The following DOCK2 variants were observed in gnomAD, a reference collection of about 807,000 sequenced individuals.
The protein encoded by DOCK2 is dedicator of cytokinesis protein 2.
Under a neutral mutation model 248.9 loss-of-function variants are expected in DOCK2, and 87 were observed. The observed-to-expected ratio is 0.35, with a 90% CI of 0.29 to 0.42. DOCK2 has a LOEUF of 0.42. Ranked by LOEUF, DOCK2 falls within the 10% of genes least tolerant of loss-of-function variation. DOCK2 has a pLI of 1.00. For synonymous variants in DOCK2, 805 were observed against 821.6 expected (o/e 0.98, Z 0.35); for missense variants, 1,747 against 2,300.2 (o/e 0.76, Z 4.92).
At chr5:169,697,474 G>T (rs2112705) in intron 10 of DOCK2, among the ~76,000 whole-genome samples, 18 of 152,066 alleles carry the variant, frequency 1.2e-4, no homozygotes, top group Non-Finnish European at 1.8e-4. Context: ...CATCTCCATA[G>T]TCTTTACTCT....
chr5:169,868,701 T>G (rs1371493169), intron 27 of DOCK2, among the ~76,000 whole-genome samples: 1 of 152,148 alleles, frequency 6.6e-6, no homozygotes, highest in Non-Finnish European at 1.5e-5. Flanking sequence ...GTGGCTGCAA[T>G]TAGCTATGAG....
At chr5:169,823,287 T>C (rs1221331674) in intron 26 of DOCK2, among the ~76,000 whole-genome samples, 1 of 152,216 alleles carries the variant, frequency 6.6e-6, no homozygotes, top group Non-Finnish European at 1.5e-5. Context: ...AGCATCATCC[T>C]GGTACCAAAG....
At chr5:169,686,307 C>T (rs1419399101) in intron 8 of DOCK2, among the ~76,000 whole-genome samples, 3 of 152,194 alleles carry the variant, frequency 2.0e-5, no homozygotes, top group African/African-American at 7.2e-5. Flanking sequence ...CGGCTGGCCC[C>T]ATCTCAGTGA....
intron 25 of DOCK2, among the ~76,000 whole-genome samples, chr5:169,771,769 T>C (rs1028112924): frequency 3.3e-5 from 5 of 152,194 alleles, no homozygotes; most frequent in Non-Finnish European, 7.3e-5. Flanking sequence ...CAAATCAATG[T>C]TTTTTTAGTC....
At chr5:169,770,290 CT>C (rs60938799) in intron 25 of DOCK2, among the ~76,000 whole-genome samples, 14,632 of 101,752 alleles carry the variant, frequency 0.14, 557 homozygotes, top group Admixed American at 0.23. Flanking sequence ...ATTCTTGAGT[CT>C]TTTTTTTTTT....
intron 25 of DOCK2, among the ~76,000 whole-genome samples, chr5:169,792,451 A>AGGTGTGTGTG (rs1766398847): frequency 6.7e-6 from 1 of 149,210 alleles, no homozygotes; most frequent in South Asian, 2.1e-4. Flanking sequence ...TATTTTATAT[A>AGGTGTGTGTG]TGTGTGTGTG....
At chr5:169,901,418 G>GGTGT (rs149142184) in intron 27 of DOCK2, among the ~76,000 whole-genome samples, 1 of 151,478 alleles carries the variant, frequency 6.6e-6, no homozygotes, top group East Asian at 1.9e-4. Context: ...GTTTACGAAG[G>GGTGT]GTGTGTGTGT....
In DOCK2 at chr5:169,717,452, C is replaced by T. The variant is rs762907769; in HGVS notation, c.2100C>T (p.Ile700=). Residue 700 remains isoleucine, a synonymous_variant, in exon 21 of 52, where the codon ATC becomes ATT. Transcript: ENST00000520908. ...TCAACACCGTTCTGGAGGCTTACAT[C>T]CAACAGCATTTCAGTGCGACCTTGG... ...QHFNTVLEAY[I]QQHFSATLAY... is the part of the protein sequence containing the mutation. 3 of 1,613,884 alleles carry T rather than the reference C, an allele frequency of 1.9e-6. No individual in the cohort carries two copies. The South Asian group carries it at 3.3e-5, about 18-fold the overall frequency.
intron 27 of DOCK2, among the ~76,000 whole-genome samples, chr5:169,920,893 G>T (rs1775137527): frequency 6.6e-6 from 1 of 152,090 alleles, no homozygotes; most frequent in African/African-American, 2.4e-5. Flanking sequence ...GTGGGCAGTT[G>T]TTTTCCTAGA....
intron 34 of DOCK2, among the ~76,000 whole-genome samples, chr5:170,030,732 G>T (rs577263904): frequency 6.6e-6 from 1 of 152,176 alleles, no homozygotes; most frequent in East Asian, 1.9e-4. Flanking sequence ...ATAGCATTGC[G>T]GGTTTTTGAA....
chr5:170,031,088 A>G (rs1274580136), intron 34 of DOCK2, among the ~76,000 whole-genome samples: 1 of 152,232 alleles, frequency 6.6e-6, no homozygotes, highest in Non-Finnish European at 1.5e-5. Context: ...TGATCCACGT[A>G]TATCTGAAAG....
At chr5:169,968,068 G>T (rs569526390) in intron 27 of DOCK2, among the ~76,000 whole-genome samples, 6 of 152,218 alleles carry the variant, frequency 3.9e-5, no homozygotes, top group African/African-American at 7.2e-5. Flanking sequence ...GGATGCATAA[G>T]TCTGAAGCTT....
At chr5:169,685,923 C>T (rs1759947500) in intron 8 of DOCK2, among the ~76,000 whole-genome samples, 1 of 152,250 alleles carries the variant, frequency 6.6e-6, no homozygotes, top group Admixed American at 6.5e-5. Context: ...GTAAGTCTGT[C>T]ACCAAGGAAT....
intron 27 of DOCK2, among the ~76,000 whole-genome samples, chr5:169,957,101 G>A (rs561071705): frequency 6.6e-6 from 1 of 152,218 alleles, no homozygotes; most frequent in East Asian, 1.9e-4. Flanking sequence ...TTTGTACTTT[G>A]CAGTAATAAG....
chr5:169,698,292 T>G, intron 10 of DOCK2, 82 bp from the exon 11 acceptor site: 3 of 1,430,708 alleles, frequency 2.1e-6, no homozygotes, highest in Non-Finnish European at 2.9e-6. Context: ...CTCTACCTCC[T>G]GTCCCATAAG....
chr5:169,651,017 G>A (rs1757777287), intron 1 of DOCK2, among the ~76,000 whole-genome samples: 1 of 152,154 alleles, frequency 6.6e-6, no homozygotes, highest in Non-Finnish European at 1.5e-5. Flanking sequence ...TCTTCCTCTT[G>A]TTTTTCTGCC....
At chr5:170,003,551 G>C (rs1383918726) in intron 30 of DOCK2, among the ~76,000 whole-genome samples, 1 of 152,246 alleles carries the variant, frequency 6.6e-6, no homozygotes, top group East Asian at 1.9e-4. Context: ...AGCGGGTCTT[G>C]AACCCAGCTT....
intron 7 of DOCK2, among the ~76,000 whole-genome samples, chr5:169,683,078 T>C (rs1204702418): frequency 6.6e-6 from 1 of 152,254 alleles, no homozygotes; most frequent in Non-Finnish European, 1.5e-5. Flanking sequence ...ATTATACTAA[T>C]GCAACTATGA....
intron 25 of DOCK2, among the ~76,000 whole-genome samples, chr5:169,769,757 G>A (rs1764984873): frequency 6.6e-6 from 1 of 152,212 alleles, no homozygotes; most frequent in Admixed American, 6.5e-5. Context: ...CCAGGAGCCT[G>A]AGGAGGGAAA....
Sources: gnomAD v4.1 joint callset for allele counts (sites outside exome capture counted in the v4.1 genomes callset) on GRCh38, gnomAD v4.1.1 for gene constraint, MANE v1.5 for transcripts, NCBI Gene and HGNC (gene_info 2026-07-23, HGNC 2026-07-21) for gene names.